The following ITGA1 variants were observed in gnomAD, a reference collection of about 807,000 sequenced individuals.
ITGA1 encodes the protein integrin alpha-1.
In ITGA1, 85 loss-of-function variants were observed where a neutral mutation model predicts 145.9. The observed-to-expected ratio is 0.58, with a 90% CI of 0.49 to 0.70. The LOEUF (loss-of-function observed/expected upper bound fraction) is 0.70. Ranked by LOEUF, ITGA1 falls within the 30% of genes least tolerant of loss-of-function variation. ITGA1 has a pLI of 0.00. For synonymous variants in ITGA1, 520 were observed against 495.3 expected, an observed-to-expected ratio of 1.05 and a Z score of -0.66; for missense variants, 1,351 against 1,418.7, an observed-to-expected ratio of 0.95 and a Z score of 0.77.
intron 10 of ITGA1, among the ~76,000 whole-genome samples, chr5:52,898,014 A>G (rs1205059466): frequency 6.6e-6 from 1 of 152,110 alleles, no homozygotes; most frequent in Non-Finnish European, 1.5e-5. Flanking sequence ...TCCATGTGCA[A>G]TTTTACTGTA....
At chr5:52,829,139 C>T (rs1373458189) in intron 1 of ITGA1, among the ~76,000 whole-genome samples, 2 of 152,124 alleles carry the variant, frequency 1.3e-5, no homozygotes, top group Non-Finnish European at 2.9e-5. Context: ...AGGACTTAGA[C>T]AAATTTGTGT....
chr5:52,919,089 CT>C (rs1750693352), intron 16 of ITGA1, among the ~76,000 whole-genome samples, 191 bp downstream of exon 16: 2 of 152,126 alleles, frequency 1.3e-5, no homozygotes, highest in Admixed American at 1.3e-4. Flanking sequence ...CCAGTCAATT[CT>C]GGAGCAGAAA....
At chr5:52,846,584 C>A (rs1198620943) in intron 1 of ITGA1, among the ~76,000 whole-genome samples, 2 of 152,192 alleles carry the variant, frequency 1.3e-5, no homozygotes, top group Admixed American at 1.3e-4. Flanking sequence ...GCATTTAAAA[C>A]TGTCTTCAAA....
intron 20 of ITGA1, 147 bp from the exon 21 acceptor site, chr5:52,929,478 T>G: frequency 2.3e-5 from 14 of 598,994 alleles, no homozygotes; most frequent in East Asian, 2.9e-5. Flanking sequence ...CTATCTATTT[T>G]GAGATACAAT....
At chr5:52,813,471 T>A (rs1708572851) in intron 1 of ITGA1, among the ~76,000 whole-genome samples, 1 of 152,104 alleles carries the variant, frequency 6.6e-6, no homozygotes. Flanking sequence ...AGTCTGATAA[T>A]ACAAGAAATG....
chr5:52,795,144 T>G (rs1011525075), intron 1 of ITGA1, among the ~76,000 whole-genome samples: 2 of 151,916 alleles, frequency 1.3e-5, no homozygotes, highest in Admixed American at 1.3e-4. Flanking sequence ...GAAAAATTAA[T>G]AACCATTAAT....
At chr5:52,948,151 T>C (rs1751162422) in intron 28 of ITGA1, among the ~76,000 whole-genome samples, 1 of 152,314 alleles carries the variant, frequency 6.6e-6, no homozygotes. Context: ...TTTAAAACTC[T>C]TAGCAGCTGT....
At chr5:52,875,885 G>GT (rs1749858427) in intron 6 of ITGA1, among the ~76,000 whole-genome samples, 1 of 151,708 alleles carries the variant, frequency 6.6e-6, no homozygotes, top group African/African-American at 2.4e-5. Flanking sequence ...TAGGATTACT[G>GT]GTTTTTTTTT....
chr5:52,897,544 G>A lies in ITGA1; in HGVS notation c.1164+16G>A, dbSNP rs749131125. 1 of 1,600,256 alleles carries A rather than the reference G, an allele frequency of 6.2e-7. No individual in the cohort carries two copies. The highest frequency in any genetic ancestry group is 1.7e-5 in the Admixed American group (1 of 59,748). ...TTATTCACAGGTATGTTGACCAGTT[G>A]GTGAAAAATGAAATATATGTTTGCA... On this transcript the variant is annotated intron_variant, in intron 10 of 28. Transcript: ENST00000282588.
Position 52,935,957 on chromosome 5 carries a change from C to CTTTT in ITGA1, c.2965-1411_2965-1408dup, listed in dbSNP as rs763649629. Among the ~76,000 whole-genome samples, 5 of 9,548 alleles carry CTTTT rather than the reference C, an allele frequency of 5.2e-4. 2 individuals are homozygous for CTTTT. The highest frequency in any genetic ancestry group is 7.3e-4 in the Non-Finnish European group (4 of 5,492). The allele number at this position is 9,548 out of a possible 152,430, so 6.3% of individuals were successfully genotyped here. Reference sequence around the variant, plus strand: ...ATGGTAATTACAGAACACAGGATTTCTTTTTTTTTTTTTTTTTTTTTTTTT... The same window carrying CTTTT: ...ATGGTAATTACAGAACACAGGATTTCTTTTTTTTTTTTTTTTTTTTTTTTTTTTT... On this transcript the variant is annotated intron_variant, in intron 23 of 28. Coordinates refer to ENST00000282588, the MANE Select transcript of ITGA1 (RefSeq NM_181501.2).
intron 7 of ITGA1, 88 bp from the exon 8 acceptor site, chr5:52,887,726 AG>A: frequency 1.6e-6 from 2 of 1,286,190 alleles, no homozygotes; most frequent in Non-Finnish European, 1.1e-6. Flanking sequence ...CAGGCTACCT[AG>A]AGTAGTCAGT....
At chr5:52,946,789 G>A (rs1751141598) in intron 27 of ITGA1, among the ~76,000 whole-genome samples, 2 of 152,254 alleles carry the variant, frequency 1.3e-5, no homozygotes, top group Middle Eastern at 3.4e-3. Context: ...GATAAGTCAA[G>A]TAGAAGAAAC....
rs577950709 is a variant in ITGA1, at chr5:52,955,361, A to G, written c.*2910A>G. ...ACACGATAGACAGATAGATAGATAG[A>G]TAGATAGATAGATAGATAGATAGAT... On this transcript the variant is annotated 3_prime_UTR_variant, in exon 29 of 29. Transcript: ENST00000282588. 1 of 100,754 alleles carries G rather than the reference A, an allele frequency of 9.9e-6. No homozygotes were observed. Among genetic ancestry groups the G allele is most frequent in the African/African-American group, 4.5e-5 (1 of 22,306 alleles). The allele number at this position is 100,754 out of a possible 1,614,324, so 6.2% of individuals were successfully genotyped here. A position where few individuals can be genotyped will look rare whatever the true frequency, so the allele number is the denominator to read the frequency against.
chr5:52,824,197 T>C (rs1748922827), intron 1 of ITGA1: 1 of 152,046 alleles, frequency 6.6e-6, no homozygotes, highest in African/African-American at 2.4e-5. Flanking sequence ...AATATGTACA[T>C]GATTCATCCA....
At position 52,956,669 on chromosome 5, in the gene ITGA1, G is replaced by T. The variant is rs7729947; in HGVS notation, c.*4218G>T. ...GGGACACTATCAGCAACTACGCCTG[G>T]GGAAGCTAGCAGGATTTAGCTCTTC... On this transcript the variant is annotated 3_prime_UTR_variant, in exon 29 of 29. Coordinates refer to ENST00000282588, the MANE Select transcript of ITGA1 (RefSeq NM_181501.2). 0.18 allele frequency: 26,940 copies of T among 152,074 alleles called. 2,679 individuals are homozygous for T. The highest frequency in any genetic ancestry group is 0.26 in the Middle Eastern group (76 of 294). The allele number at this position is 152,074 out of a possible 1,614,324, so 9.4% of individuals were successfully genotyped here.
At chr5:52,792,965 T>C (rs552468506) in intron 1 of ITGA1, among the ~76,000 whole-genome samples, 3 of 152,288 alleles carry the variant, frequency 2.0e-5, no homozygotes, top group Non-Finnish European at 2.9e-5. Context: ...TTCAAGATTA[T>C]TGAGCTTCTT....
intron 9 of ITGA1, among the ~76,000 whole-genome samples, chr5:52,896,924 AAT>A (rs1750235594): frequency 6.6e-6 from 1 of 152,180 alleles, no homozygotes; most frequent in South Asian, 2.1e-4. Context: ...TGCATACTAA[AAT>A]ACCTAAACCC....
intron 1 of ITGA1, among the ~76,000 whole-genome samples, chr5:52,823,581 T>A (rs1748912871): frequency 6.6e-6 from 1 of 152,182 alleles, no homozygotes; most frequent in East Asian, 1.9e-4. Flanking sequence ...TTTTCCTGCC[T>A]TAGGAAAATG....
At chr5:52,920,307 C>A in intron 16 of ITGA1, 25 bp from the exon 17 acceptor site, 2 of 1,534,712 alleles carry the variant, frequency 1.3e-6, no homozygotes, top group Non-Finnish European at 1.8e-6. Flanking sequence ...ACATTTCCAT[C>A]AATTATTTTT....
Sources: allele counts gnomAD v4.1 joint callset (sites outside exome capture counted in the v4.1 genomes callset), GRCh38; gene constraint gnomAD v4.1.1; transcripts MANE v1.5; gene names NCBI Gene and HGNC (gene_info 2026-07-23, HGNC 2026-07-21).